AJAP1: variants seen among roughly 807,000 people sequenced by gnomAD.
AJAP1 encodes the protein adherens junction-associated protein 1.
Under a neutral mutation model 35.0 loss-of-function variants are expected in AJAP1, and 5 were observed. That is an observed-to-expected ratio of 0.14 (90% CI 0.07 to 0.30). The LOEUF (loss-of-function observed/expected upper bound fraction) is 0.30. AJAP1 is among the 10% of genes least tolerant of loss of function. AJAP1 has a pLI of 1.00. For synonymous variants in AJAP1, 284 were observed against 249.3 expected, an observed-to-expected ratio of 1.14 and a Z score of -1.31; for missense variants, 586 against 571.0, an observed-to-expected ratio of 1.03 and a Z score of -0.27.
chr1:4,670,231 G>GGTCTGTCT lies in AJAP1; in HGVS notation c.29+14778_29+14785dup, dbSNP rs1166566914. On this transcript the variant is annotated intron_variant, in intron 1 of 5. Transcript: ENST00000378191. ...TCACAGCGCTGGGCCTGTGGCAGCC[G>GGTCTGTCT]GTCTGTCTTTACTCCTTACACATCC... is the stretch of plus-strand genomic sequence containing the variant. Among the ~76,000 whole-genome samples, 3 of 152,070 alleles carry GGTCTGTCT rather than the reference G, an allele frequency of 2.0e-5. No homozygotes were observed. The East Asian group carries it at 5.8e-4, about 29-fold the overall frequency.
At chr1:4,781,884 C>T (rs1443263105) in intron 5 of AJAP1, among the ~76,000 whole-genome samples, 1 of 152,180 alleles carries the variant, frequency 6.6e-6, no homozygotes, top group Non-Finnish European at 1.5e-5. Flanking sequence ...GGGAGCCGCC[C>T]CGTCTCAGCC....
intron 1 of AJAP1, among the ~76,000 whole-genome samples, chr1:4,660,082 A>G (rs962544018): frequency 2.0e-5 from 3 of 152,252 alleles, no homozygotes; most frequent in African/African-American, 4.8e-5. Context: ...GAGCTGTCAC[A>G]CTGCCGGACC....
intron 2 of AJAP1, among the ~76,000 whole-genome samples, chr1:4,735,053 G>A (rs1470812262): frequency 5.3e-5 from 8 of 152,166 alleles, no homozygotes; most frequent in Non-Finnish European, 7.4e-5. Flanking sequence ...TATGAGCTCC[G>A]CGTGCTTGGC....
intron 1 of AJAP1, among the ~76,000 whole-genome samples, chr1:4,695,407 G>A (rs917783499): frequency 6.6e-5 from 10 of 152,162 alleles, no homozygotes; most frequent in Non-Finnish European, 8.8e-5. Context: ...GGAGGCCAAC[G>A]GCTGGCCAGG....
At chr1:4,749,460 C>A (rs1407595916) in intron 2 of AJAP1, among the ~76,000 whole-genome samples, 1 of 152,210 alleles carries the variant, frequency 6.6e-6, no homozygotes, top group African/African-American at 2.4e-5. Flanking sequence ...TCTGTGGGAT[C>A]CTCGCATGGA....
chr1:4,686,795 G>A (rs1052015160), intron 1 of AJAP1, among the ~76,000 whole-genome samples: 1 of 152,218 alleles, frequency 6.6e-6, no homozygotes, highest in Non-Finnish European at 1.5e-5. Context: ...GGAGCGAGGT[G>A]AGCCCCCTTC....
At chr1:4,774,305 A>G in intron 4 of AJAP1, 122 bp from the exon 5 acceptor site, 1 of 847,718 alleles carries the variant, frequency 1.2e-6, no homozygotes, top group Non-Finnish European at 2.0e-6. Flanking sequence ...CAAGGCCAGG[A>G]GTCCACATTA....
intron 2 of AJAP1, among the ~76,000 whole-genome samples, chr1:4,741,930 T>C (rs1179117033): frequency 6.6e-6 from 1 of 152,232 alleles, no homozygotes; most frequent in Non-Finnish European, 1.5e-5. Flanking sequence ...CAATTTCTGG[T>C]CTAACTCACA....
chr1:4,731,658 G>T (rs1162817764), intron 2 of AJAP1, among the ~76,000 whole-genome samples: 1 of 152,204 alleles, frequency 6.6e-6, no homozygotes, highest in Non-Finnish European at 1.5e-5. Context: ...AACATACAGG[G>T]TCCCCAACAG....
intron 1 of AJAP1, among the ~76,000 whole-genome samples, chr1:4,690,576 G>T (rs1277073657): frequency 6.6e-6 from 1 of 152,208 alleles, no homozygotes; most frequent in Non-Finnish European, 1.5e-5. Flanking sequence ...GAGAAACACG[G>T]TGTCCCCCAC....
At chr1:4,668,968 TAGTCAGAGTC>T (rs1639195015) in intron 1 of AJAP1, among the ~76,000 whole-genome samples, 1 of 152,198 alleles carries the variant, frequency 6.6e-6, no homozygotes, top group Non-Finnish European at 1.5e-5. Flanking sequence ...TTACAGGAGA[TAGTCAGAGTC>T]AGTCAATGAG....
At chr1:4,712,725 G>C (rs749752350) in intron 2 of AJAP1, 26 bp downstream of exon 2, 1 of 1,498,912 alleles carries the variant, frequency 6.7e-7, no homozygotes, top group Non-Finnish European at 8.9e-7. Flanking sequence ...TTCTGGTTTG[G>C]GTTTGCTTGG....
intron 1 of AJAP1, among the ~76,000 whole-genome samples, chr1:4,659,605 A>G (rs188705183): frequency 1.2e-3 from 188 of 152,322 alleles, no homozygotes; most frequent in Non-Finnish European, 2.2e-3. Context: ...CGTGTCCCCA[A>G]GTACATCCGC....
chr1:4,762,434 G>A (rs1213482012), intron 2 of AJAP1, among the ~76,000 whole-genome samples: 2 of 152,228 alleles, frequency 1.3e-5, no homozygotes, highest in Non-Finnish European at 2.9e-5. Context: ...AGGGGCTGGA[G>A]ACTGGGGTCA....
chr1:4,722,747 C>T lies in AJAP1; in HGVS notation c.829+10048C>T, dbSNP rs538851346. Among the ~76,000 whole-genome samples, 280 of 152,308 alleles carry T rather than the reference C, an allele frequency of 1.8e-3. 1 individual carries two copies. Among genetic ancestry groups the T allele is most frequent in the African/African-American group, 6.4e-3 (267 of 41,572 alleles). ...TCTGGCTGCATCTCCACATGGCTGT[C>T]TCCCTGTGTCTGTCTTCTAAGGACA... On this transcript the variant is annotated intron_variant, in intron 2 of 5. Transcript: ENST00000378191.
intron 1 of AJAP1, among the ~76,000 whole-genome samples, chr1:4,658,696 T>C (rs2170676): frequency 0.25 from 37,900 of 152,170 alleles, 5,244 homozygotes; most frequent in Admixed American, 0.4. Context: ...GGGGATACAC[T>C]GGCCAAGTGG....
At chr1:4,771,891 C>T (rs535900212) in intron 3 of AJAP1, among the ~76,000 whole-genome samples, 1 of 152,198 alleles carries the variant, frequency 6.6e-6, no homozygotes, top group South Asian at 2.1e-4. Context: ...CTCCCACACA[C>T]TCTAGGCCCC....
At chr1:4,721,478 G>A (rs1204311968) in intron 2 of AJAP1, among the ~76,000 whole-genome samples, 1 of 152,250 alleles carries the variant, frequency 6.6e-6, no homozygotes, top group Non-Finnish European at 1.5e-5. Flanking sequence ...CTGGACGGAA[G>A]AGTCGGATGT....
chr1:4,657,102 A>AT lies in AJAP1; in HGVS notation c.29+1657dup, dbSNP rs556958377. Among the ~76,000 whole-genome samples, 976 of 151,588 alleles carry AT rather than the reference A, an allele frequency of 6.4e-3. 4 individuals carry two copies. The highest frequency in any genetic ancestry group is 8.4e-3 in the Non-Finnish European group (570 of 67,828). On this transcript the variant is annotated intron_variant, in intron 1 of 5. Coordinates refer to ENST00000378191, the MANE Select transcript of AJAP1 (RefSeq NM_018836.4). Reference sequence around the variant, plus strand: ...CTGATGGCAACTTATTTGAACAGACATTTTTTTTTATTGCTAAGTTGCTAG... The same window carrying AT: ...CTGATGGCAACTTATTTGAACAGACATTTTTTTTTTATTGCTAAGTTGCTAG...
Sources: allele counts gnomAD v4.1 joint callset (sites outside exome capture counted in the v4.1 genomes callset), GRCh38; gene constraint gnomAD v4.1.1; transcripts MANE v1.5; gene names NCBI Gene and HGNC (gene_info 2026-07-23, HGNC 2026-07-21).